GAREM1: variants seen among roughly 807,000 people sequenced by gnomAD.
GAREM1 encodes the protein GRB2-associated and regulator of MAPK protein 1.
A neutral mutation model predicts 71.3 loss-of-function variants in GAREM1; 26 were observed. That is an observed-to-expected ratio of 0.36 (90% CI 0.27 to 0.51). The LOEUF (loss-of-function observed/expected upper bound fraction) is 0.51, where lower values mean the gene tolerates loss of function less well. Ranked by LOEUF, GAREM1 falls within the 20% of genes least tolerant of loss-of-function variation. The pLI, the probability that GAREM1 is intolerant of heterozygous loss-of-function variation, is 0.95. For missense variants in GAREM1, 1,026 were observed against 1,103.1 expected, an observed-to-expected ratio of 0.93 and a Z score of 0.99; for synonymous variants, 440 against 433.2, an observed-to-expected ratio of 1.02 and a Z score of -0.20.
intron 2 of GAREM1, among the ~76,000 whole-genome samples, chr18:32,378,405 C>T (rs966552199): frequency 1.3e-5 from 2 of 150,872 alleles, no homozygotes; most frequent in Admixed American, 1.3e-4. Flanking sequence ...GAGGCTGAGG[C>T]ACGAGAATCT....
intron 1 of GAREM1, among the ~76,000 whole-genome samples, chr18:32,421,978 T>C (rs560529581): frequency 1.1e-4 from 16 of 152,196 alleles, no homozygotes; most frequent in African/African-American, 3.4e-4. Context: ...AAAATTATCC[T>C]TTCTCCTACT....
intron 1 of GAREM1, among the ~76,000 whole-genome samples, chr18:32,468,268 T>C (rs2049016713): frequency 6.6e-6 from 1 of 152,248 alleles, no homozygotes; most frequent in African/African-American, 2.4e-5. Flanking sequence ...AGCTTAATAA[T>C]GTCCACAATA....
chr18:32,341,649 GTTTC>G (rs1228989586), intron 2 of GAREM1, among the ~76,000 whole-genome samples: 3 of 152,144 alleles, frequency 2.0e-5, no homozygotes, highest in African/African-American at 7.2e-5. Context: ...AATCACTGGA[GTTTC>G]TTTCTTTAAT....
intron 4 of GAREM1, among the ~76,000 whole-genome samples, chr18:32,281,222 G>A (rs1343956612): frequency 6.6e-6 from 1 of 152,142 alleles, no homozygotes; most frequent in Non-Finnish European, 1.5e-5. Flanking sequence ...ATGCAATGCT[G>A]CACGCCTCTA....
Position 32,470,726 on chromosome 18 carries a change from G to A in GAREM1, c.-298C>T, listed in dbSNP as rs1420636002. On this transcript the variant is annotated 5_prime_UTR_variant, in exon 1 of 6. Coordinates refer to ENST00000269209, the MANE Select transcript of GAREM1 (RefSeq NM_001242409.2). This position sits in a 1 kb window ranked among gnomAD's most constrained non-coding sequence, Gnocchi z 4.4. ...CGGCGGCGGCCCGGGTGGCTGCGGC[G>A]GCTCCCGCTCCGCCTCCTCCTCTGG... Among the ~76,000 whole-genome samples, 6 of 149,798 alleles carry A rather than the reference G, an allele frequency of 4.0e-5. No individual in the cohort carries two copies. Among genetic ancestry groups the A allele is most frequent in the South Asian group, 4.2e-4 (2 of 4,812 alleles).
intron 1 of GAREM1, among the ~76,000 whole-genome samples, chr18:32,395,694 G>A (rs1346944715): frequency 1.3e-5 from 2 of 152,178 alleles, no homozygotes; most frequent in Non-Finnish European, 2.9e-5. Flanking sequence ...CATGATGAGT[G>A]CTACGCAAGA....
At chr18:32,457,791 G>T (rs1400339194) in intron 1 of GAREM1, among the ~76,000 whole-genome samples, 1 of 152,020 alleles carries the variant, frequency 6.6e-6, no homozygotes, top group Admixed American at 6.6e-5. Flanking sequence ...AAGTTCTAGG[G>T]TACACGTGCA....
chr18:32,333,426 G>A (rs2047556684), intron 2 of GAREM1, among the ~76,000 whole-genome samples: 1 of 152,176 alleles, frequency 6.6e-6, no homozygotes, highest in African/African-American at 2.4e-5. Flanking sequence ...GAGCAGACAA[G>A]GGAAAGACCA....
chr18:32,420,956 CTATT>C (rs1388915332), intron 1 of GAREM1, among the ~76,000 whole-genome samples: 1 of 152,068 alleles, frequency 6.6e-6, no homozygotes, highest in Non-Finnish European at 1.5e-5. Context: ...CTGCATCTAC[CTATT>C]TAGAGTAACA....
At chr18:32,304,453 T>C (rs1408579541) in intron 3 of GAREM1, among the ~76,000 whole-genome samples, 4 of 152,244 alleles carry the variant, frequency 2.6e-5, no homozygotes, top group Non-Finnish European at 5.9e-5. Flanking sequence ...GCAAACCTTA[T>C]CTTACAGGTC....
At chr18:32,364,944 G>A (rs76774571) in intron 2 of GAREM1, among the ~76,000 whole-genome samples, 1,626 of 151,818 alleles carry the variant, frequency 0.011, 31 homozygotes, top group African/African-American at 0.035. Flanking sequence ...CAGACTTCTC[G>A]ATATATTACT....
intron 2 of GAREM1, among the ~76,000 whole-genome samples, chr18:32,391,743 T>C (rs1398050443): frequency 6.6e-6 from 1 of 152,192 alleles, no homozygotes. Flanking sequence ...TCTACAAGTA[T>C]ACATTTCTCT....
intron 3 of GAREM1, among the ~76,000 whole-genome samples, chr18:32,288,719 TTATCAC>T (rs2144471300): frequency 1.3e-5 from 2 of 152,188 alleles, no homozygotes; most frequent in Admixed American, 1.3e-4. Context: ...CTATACTATC[TTATCAC>T]TAAAGATAAT....
At chr18:32,378,062 G>A (rs1016511805) in intron 2 of GAREM1, among the ~76,000 whole-genome samples, 19 of 134,740 alleles carry the variant, frequency 1.4e-4, no homozygotes, top group Non-Finnish European at 2.1e-4. Context: ...GTGTGTGCGC[G>A]CGGGCGCTTT....
chr18:32,433,224 C>A lies in GAREM1; in HGVS notation c.121+37084G>T, dbSNP rs544156552. ...AAAACATATCACACAACTCAACATA[C>A]CTTTATGATTAAAAAACACAAAAAA... is the stretch of plus-strand genomic sequence containing the variant. On this transcript the variant is annotated intron_variant, in intron 1 of 5. Transcript: ENST00000269209. 2.0e-5 allele frequency among the ~76,000 whole-genome samples: 3 copies of A among 149,802 alleles called. No homozygotes were observed. The East Asian group carries it at 5.8e-4, about 29-fold the overall frequency.
At chr18:32,427,715 G>T (rs2048588465) in intron 1 of GAREM1, among the ~76,000 whole-genome samples, 1 of 152,148 alleles carries the variant, frequency 6.6e-6, no homozygotes, top group African/African-American at 2.4e-5. Context: ...TCTAACCTTG[G>T]AGAGAAAAAC....
intron 2 of GAREM1, among the ~76,000 whole-genome samples, chr18:32,343,621 C>T (rs1439443469): frequency 1.3e-5 from 2 of 152,088 alleles, no homozygotes; most frequent in Admixed American, 6.6e-5. Context: ...TACTTTTAAA[C>T]CAAGCTAGTT....
At chr18:32,433,197 A>G (rs1343362199) in intron 1 of GAREM1, among the ~76,000 whole-genome samples, 1 of 151,882 alleles carries the variant, frequency 6.6e-6, no homozygotes, top group Admixed American at 6.6e-5. Context: ...ATTGATGTAG[A>G]AAAAACATAT....
chr18:32,295,553 G>A (rs1434733680), intron 3 of GAREM1, among the ~76,000 whole-genome samples: 1 of 152,172 alleles, frequency 6.6e-6, no homozygotes, highest in Non-Finnish European at 1.5e-5. Flanking sequence ...ACTGAGTGGT[G>A]ATCATCAATA....
Sources: gnomAD v4.1 joint callset for allele counts (sites outside exome capture counted in the v4.1 genomes callset) on GRCh38, gnomAD v4.1.1 for gene constraint, Gnocchi (gnomAD v3.1) non-coding constraint, MANE v1.5 for transcripts, NCBI Gene and HGNC (gene_info 2026-07-23, HGNC 2026-07-21) for gene names.